KLF8: variants seen among roughly 807,000 people sequenced by gnomAD.
KLF8 encodes the protein KLF transcription factor 8.
Under a neutral mutation model 18.2 loss-of-function variants are expected in KLF8, and 10 were observed. The ratio of observed to expected loss-of-function variants is 0.55; its 90% CI spans 0.34 to 0.93. KLF8 has a LOEUF of 0.93. Among genes scored for constraint, KLF8 ranks in the 40% least tolerant of loss-of-function variants. The pLI, the probability that KLF8 is intolerant of heterozygous loss-of-function variation, is 0.02. For synonymous variants in KLF8, 109 were observed against 97.3 expected, an observed-to-expected ratio of 1.12 and a Z score of -0.71; for missense variants, 264 against 277.9, an observed-to-expected ratio of 0.95 and a Z score of 0.36.
intron 2 of KLF8, among the ~76,000 whole-genome samples, chrX:56,251,275 T>C (rs763037521): frequency 8.9e-6 from 1 of 112,234 alleles, no homozygotes; most frequent in African/African-American, 3.2e-5. Flanking sequence ...TGAGTGAAAC[T>C]CAAATACAGT....
chrX:55,977,716 C>A, the KLF8 span, among the ~76,000 whole-genome samples: 1 of 111,237 alleles, frequency 9.0e-6, no homozygotes, highest in African/African-American at 3.3e-5. Context: ...TAAAGGGTAG[C>A]CATTGGAAGG....
At chrX:56,041,326 G>T in the KLF8 span, among the ~76,000 whole-genome samples, 1 of 110,978 alleles carries the variant, frequency 9.0e-6, no homozygotes, top group African/African-American at 3.3e-5. Context: ...GTTTCACCAT[G>T]TTGGCCAGCC....
chrX:56,034,432 T>C, the KLF8 span, among the ~76,000 whole-genome samples: 1 of 112,158 alleles, frequency 8.9e-6, no homozygotes, highest in Non-Finnish European at 1.9e-5. Flanking sequence ...TAATATAATG[T>C]GAAATCAGAT....
chrX:56,094,040 C>T, the KLF8 span, among the ~76,000 whole-genome samples: 1 of 106,787 alleles, frequency 9.4e-6, no homozygotes, highest in Non-Finnish European at 1.9e-5. Context: ...GAGTGATAGA[C>T]AAAATAGGGC....
chrX:56,168,682 G>T, the KLF8 span, among the ~76,000 whole-genome samples: 1 of 98,630 alleles, frequency 1.0e-5, no homozygotes, highest in Non-Finnish European at 2.0e-5. Context: ...GATGTGTGAT[G>T]TTCCCTGTCT....
At chrX:56,155,746 ACAAATCC>A in the KLF8 span, among the ~76,000 whole-genome samples, 3 of 111,638 alleles carry the variant, frequency 2.7e-5, no homozygotes, top group African/African-American at 9.8e-5. Flanking sequence ...GGTTTGGAAT[ACAAATCC>A]CATCACCCTG....
chrX:56,241,872 G>A (rs1175115260), intron 1 of KLF8, among the ~76,000 whole-genome samples: 1 of 112,220 alleles, frequency 8.9e-6, no homozygotes, highest in African/African-American at 3.2e-5. Context: ...CAAGGGGACT[G>A]GTTCTAGGCA....
chrX:56,217,439 A>T, the KLF8 span, among the ~76,000 whole-genome samples: 1 of 73,288 alleles, frequency 1.4e-5, no homozygotes, highest in Non-Finnish European at 3.4e-5. Context: ...ATTCTGAGAC[A>T]GAGTCTTGCT....
the KLF8 span, among the ~76,000 whole-genome samples, chrX:56,071,190 T>C: frequency 1.8e-5 from 2 of 111,613 alleles, no homozygotes; most frequent in African/African-American, 6.5e-5. Flanking sequence ...AAGACTGAAT[T>C]TGAGATATGA....
chrX:56,210,944 C>T, the KLF8 span, among the ~76,000 whole-genome samples: 1 of 110,279 alleles, frequency 9.1e-6, no homozygotes, highest in African/African-American at 3.3e-5. Flanking sequence ...AAATCCTTCT[C>T]TGTGGTATCT....
the KLF8 span, among the ~76,000 whole-genome samples, chrX:56,133,617 C>T: frequency 9.0e-6 from 1 of 111,275 alleles, no homozygotes; most frequent in African/African-American, 3.3e-5. Flanking sequence ...GACAAGGATG[C>T]CCACTCTCAC....
At position 56,269,525 on chromosome X, in the gene KLF8, A is replaced by ATGTG. The variant is rs35519867; in HGVS notation, c.758+56_758+59dup. ...TTTGTCTTCAAGTCTGTCTTTGTGT[A>ATGTG]TGTGTGTGTGTGTGTGTGTGTGTAC... On this transcript the variant is annotated intron_variant, in intron 4 of 5. Coordinates refer to ENST00000468660, the MANE Select transcript of KLF8 (RefSeq NM_007250.5). The ATGTG allele has an allele frequency of 9.2e-5, 95 of 1,035,709 alleles. No individual in the cohort carries two copies. In the South Asian group the frequency reaches 9.8e-4, roughly 11 times the overall value. 85.4% of individuals were successfully genotyped at this position (1,035,709 alleles called of 1,213,427 possible).
At chrX:56,090,227 A>C in the KLF8 span, among the ~76,000 whole-genome samples, 69 of 112,268 alleles carry the variant, frequency 6.1e-4, no homozygotes, top group Non-Finnish European at 1.1e-3. Context: ...TCAAGGACAC[A>C]AGAAGAAAGT....
At chrX:56,028,877 G>C in the KLF8 span, among the ~76,000 whole-genome samples, 1 of 111,116 alleles carries the variant, frequency 9.0e-6, no homozygotes, top group Non-Finnish European at 1.9e-5. Context: ...GGAACTGTTG[G>C]GTGCAGAGTC....
At chrX:55,972,991 C>T in the KLF8 span, among the ~76,000 whole-genome samples, 1 of 112,386 alleles carries the variant, frequency 8.9e-6, no homozygotes, top group African/African-American at 3.2e-5. Context: ...GTAATTAAAA[C>T]ACCATGGTAC....
chrX:56,204,249 C>T, the KLF8 span, among the ~76,000 whole-genome samples: 1 of 111,739 alleles, frequency 8.9e-6, no homozygotes, highest in African/African-American at 3.3e-5. Context: ...AGAAATGCTA[C>T]TGATTTTTGT....
the KLF8 span, among the ~76,000 whole-genome samples, chrX:56,179,580 G>A: frequency 8.9e-6 from 1 of 111,844 alleles, no homozygotes; most frequent in Non-Finnish European, 1.9e-5. Context: ...GTTTTCAAAG[G>A]GAATGCTTCC....
the KLF8 span, among the ~76,000 whole-genome samples, chrX:56,076,631 C>T: frequency 1.8e-5 from 2 of 111,344 alleles, no homozygotes; most frequent in East Asian, 2.8e-4. Context: ...AGCAGCATGA[C>T]TTATAGTCCT....
At chrX:56,158,892 T>A in the KLF8 span, among the ~76,000 whole-genome samples, 1 of 111,557 alleles carries the variant, frequency 9.0e-6, no homozygotes, top group Admixed American at 9.6e-5. Context: ...TTCTCCTGCC[T>A]GATTGCCCTG....
Sources: gnomAD v4.1 joint callset for allele counts (sites outside exome capture counted in the v4.1 genomes callset) on GRCh38, gnomAD v4.1.1 for gene constraint, MANE v1.5 for transcripts, NCBI Gene and HGNC (gene_info 2026-07-23, HGNC 2026-07-21) for gene names.